Variants in PCED1B observed in about 807,000 individuals in gnomAD.
The protein encoded by PCED1B is PC-esterase domain containing 1B, also known as PC-esterase domain-containing protein 1B.
For missense variants in PCED1B, 573 were observed against 573.9 expected, an observed-to-expected ratio of 1.00 and a Z score of 0.02; for synonymous variants, 251 against 246.1, an observed-to-expected ratio of 1.02 and a Z score of -0.19.
intron 2 of PCED1B, among the ~76,000 whole-genome samples, chr12:47,126,159 A>C (rs1939879655): frequency 6.6e-6 from 1 of 152,044 alleles, no homozygotes; most frequent in Non-Finnish European, 1.5e-5. Context: ...TAAAGAAAAA[A>C]AATTTTTTTT....
chr12:47,134,758 C>T (rs1300116102), intron 2 of PCED1B, among the ~76,000 whole-genome samples: 1 of 152,172 alleles, frequency 6.6e-6, no homozygotes, highest in Non-Finnish European at 1.5e-5. Flanking sequence ...GTCCCAGCTA[C>T]TCGGGAAGCT....
chr12:47,210,931 T>C (rs902462765), intron 2 of PCED1B, among the ~76,000 whole-genome samples: 1 of 152,218 alleles, frequency 6.6e-6, no homozygotes, highest in African/African-American at 2.4e-5. Flanking sequence ...ATTTTACCGG[T>C]AAAATGGAAT....
chr12:47,160,982 C>T (rs1238642731), intron 2 of PCED1B, among the ~76,000 whole-genome samples: 2 of 152,142 alleles, frequency 1.3e-5, no homozygotes, highest in African/African-American at 4.8e-5. Context: ...GCCAGAATGC[C>T]CCTCAGGTTT....
At chr12:47,194,018 T>C (rs1215438147) in intron 2 of PCED1B, among the ~76,000 whole-genome samples, 2 of 152,242 alleles carry the variant, frequency 1.3e-5, no homozygotes, top group Non-Finnish European at 2.9e-5. Context: ...GCTGTGCTTT[T>C]GCTGTGCTCT....
At chr12:47,087,702 T>C (rs1001808651) in intron 1 of PCED1B, among the ~76,000 whole-genome samples, 1 of 152,244 alleles carries the variant, frequency 6.6e-6, no homozygotes, top group African/African-American at 2.4e-5. Context: ...ATTTTAGATC[T>C]TACTCATTTT....
intron 2 of PCED1B, among the ~76,000 whole-genome samples, chr12:47,204,784 G>A (rs950841088): frequency 2.0e-5 from 3 of 152,032 alleles, no homozygotes; most frequent in East Asian, 1.9e-4. Flanking sequence ...TCTACAGATG[G>A]GCCATAACAT....
intron 2 of PCED1B, among the ~76,000 whole-genome samples, chr12:47,133,219 G>C (rs886591095): frequency 4.6e-5 from 7 of 152,048 alleles, no homozygotes; most frequent in Non-Finnish European, 7.4e-5. Context: ...TAAATTAAAA[G>C]AGACAACATG....
At chr12:47,146,767 A>T (rs1019566960) in intron 2 of PCED1B, among the ~76,000 whole-genome samples, 3 of 152,214 alleles carry the variant, frequency 2.0e-5, no homozygotes, top group Admixed American at 2.0e-4. Flanking sequence ...AAAAATTCAT[A>T]CGATTTACTT....
At chr12:47,094,213 C>T (rs112799867) in intron 1 of PCED1B, among the ~76,000 whole-genome samples, 1 of 151,950 alleles carries the variant, frequency 6.6e-6, no homozygotes, top group Non-Finnish European at 1.5e-5. Context: ...TGTTTCTTGC[C>T]TTACAGTTCA....
intron 2 of PCED1B, among the ~76,000 whole-genome samples, chr12:47,123,134 G>T (rs535956525): frequency 6.6e-6 from 1 of 152,278 alleles, no homozygotes; most frequent in East Asian, 1.9e-4. Context: ...AAAATAAGGA[G>T]ATTGTTAGTT....
At chr12:47,132,916 C>T (rs948272939) in intron 2 of PCED1B, among the ~76,000 whole-genome samples, 2 of 152,148 alleles carry the variant, frequency 1.3e-5, no homozygotes, top group Non-Finnish European at 2.9e-5. Flanking sequence ...AAATACAGTA[C>T]ATTCAAGGGG....
At chr12:47,189,101 C>A (rs904570980) in intron 2 of PCED1B, among the ~76,000 whole-genome samples, 3 of 152,094 alleles carry the variant, frequency 2.0e-5, no homozygotes, top group African/African-American at 7.2e-5. Context: ...CTCTATCTTA[C>A]ATTTTGATTG....
At chr12:47,098,881 C>T (rs1938588381) in intron 1 of PCED1B, among the ~76,000 whole-genome samples, 1 of 152,202 alleles carries the variant, frequency 6.6e-6, no homozygotes, top group African/African-American at 2.4e-5. Context: ...ACTTGAGTTT[C>T]AGTCTCTCTC....
At chr12:47,084,006 A>G (rs2137140633) in intron 1 of PCED1B, among the ~76,000 whole-genome samples, 1 of 152,348 alleles carries the variant, frequency 6.6e-6, no homozygotes, top group South Asian at 2.1e-4. Flanking sequence ...ATTGTTTAAT[A>G]TATTCACAAT....
intron 2 of PCED1B, among the ~76,000 whole-genome samples, chr12:47,176,902 G>A (rs771873086): frequency 7.9e-5 from 12 of 152,068 alleles, no homozygotes; most frequent in African/African-American, 2.7e-4. Flanking sequence ...AGCATTGAAT[G>A]TTGAGAGTAC....
chr12:47,115,400 A>G (rs1261282771), intron 2 of PCED1B, among the ~76,000 whole-genome samples: 1 of 152,002 alleles, frequency 6.6e-6, no homozygotes, highest in Admixed American at 6.6e-5. Context: ...TGGACCCTTC[A>G]TTTTGTACTT....
chr12:47,164,903 T>A (rs2137522980), intron 2 of PCED1B, among the ~76,000 whole-genome samples: 1 of 152,296 alleles, frequency 6.6e-6, no homozygotes, highest in South Asian at 2.1e-4. Context: ...ATAGCCAGGA[T>A]GTAGTGAGCA....
chr12:47,207,496 C>T (rs1439015367), intron 2 of PCED1B, among the ~76,000 whole-genome samples: 1 of 152,232 alleles, frequency 6.6e-6, no homozygotes, highest in Non-Finnish European at 1.5e-5. Context: ...CTCTTTCTCT[C>T]CTGATAGGAC....
intron 2 of PCED1B, among the ~76,000 whole-genome samples, chr12:47,178,379 A>G (rs1477438616): frequency 3.3e-5 from 5 of 152,194 alleles, no homozygotes; most frequent in African/African-American, 9.7e-5. Flanking sequence ...AGTCCCCAGC[A>G]TAAGTGGGAC....
Sources: gnomAD v4.1 joint callset for allele counts (sites outside exome capture counted in the v4.1 genomes callset) on GRCh38, gnomAD v4.1.1 for gene constraint, MANE v1.5 for transcripts, NCBI Gene and HGNC (gene_info 2026-07-23, HGNC 2026-07-21) for gene names.